CEP72: variants seen among roughly 807,000 people sequenced by gnomAD.
CEP72 encodes centrosomal protein of 72 kDa.
Under a neutral mutation model 65.7 loss-of-function variants are expected in CEP72, and 78 were observed. The ratio of observed to expected loss-of-function variants is 1.19; its 90% CI spans 0.99 to 1.43. The LOEUF (loss-of-function observed/expected upper bound fraction) is 1.43. CEP72 is among the 40% of genes most tolerant of loss of function. The pLI, the probability that CEP72 is intolerant of heterozygous loss-of-function variation, is 0.00. For missense variants in CEP72, 914 were observed against 832.9 expected, an observed-to-expected ratio of 1.10 and a Z score of -1.20; for synonymous variants, 358 against 351.7, an observed-to-expected ratio of 1.02 and a Z score of -0.20.
In CEP72 at chr5:635,719, T is replaced by C. The variant is rs549150444; in HGVS notation, c.904+135T>C. The C allele has an allele frequency of 1.0e-5, 7 of 687,602 alleles. No individual in the cohort carries two copies. The South Asian group carries it at 1.3e-4, about 13-fold the overall frequency. 42.6% of individuals were successfully genotyped at this position (687,602 alleles called of 1,614,324 possible). A position where few individuals can be genotyped will look rare whatever the true frequency, so the allele number is the denominator to read the frequency against. On this transcript the variant is annotated intron_variant, in intron 6 of 11. Coordinates refer to ENST00000264935, the MANE Select transcript of CEP72 (RefSeq NM_018140.4). ...AGTCCAAGAGCACGGTGCCGGCACC[T>C]GGTGCTGGTCCTCCCATGGCACAGG... is the stretch of plus-strand genomic sequence containing the variant.
chr5:639,866 C>T (rs1737885791), intron 8 of CEP72, among the ~76,000 whole-genome samples: 1 of 152,228 alleles, frequency 6.6e-6, no homozygotes, highest in Non-Finnish European at 1.5e-5. Flanking sequence ...GGGCACGGCT[C>T]TGAGCTGTCT....
At chr5:620,025 C>A in intron 2 of CEP72, 44 bp from the exon 3 acceptor site, 1 of 1,528,884 alleles carries the variant, frequency 6.5e-7, no homozygotes, top group Non-Finnish European at 9.0e-7. Context: ...CTGTGTATTT[C>A]TTGTTTAAAG....
intron 9 of CEP72, chr5:641,079 C>T: frequency 1.0e-6 from 1 of 985,456 alleles, no homozygotes; most frequent in Non-Finnish European, 1.2e-6. Flanking sequence ...GTGTATTGGG[C>T]CTCAGGCTCA....
chr5:636,301 T>G (rs1458372999), intron 6 of CEP72, among the ~76,000 whole-genome samples: 1 of 152,260 alleles, frequency 6.6e-6, no homozygotes, highest in Non-Finnish European at 1.5e-5. Flanking sequence ...ATTCATGGTT[T>G]AGATTCATGG....
the CEP72 span, among the ~76,000 whole-genome samples, chr5:673,959 G>C: frequency 6.6e-6 from 1 of 152,246 alleles, no homozygotes; most frequent in Non-Finnish European, 1.5e-5. Context: ...GTGCACATGC[G>C]GCCATGTGCA....
chr5:656,726 C>T (rs1015294418), downstream of CEP72, among the ~76,000 whole-genome samples: 11 of 152,088 alleles, frequency 7.2e-5, no homozygotes, highest in Non-Finnish European at 1.2e-4. Flanking sequence ...TTTCCCATTC[C>T]TGTTGTTCTG....
chr5:643,622 C>G, intron 9 of CEP72: 4 of 985,370 alleles, frequency 4.1e-6, no homozygotes, highest in Non-Finnish European at 4.8e-6. Context: ...TGCTCAGCAC[C>G]CCCGGCCCCA....
At chr5:654,929 T>G (rs1739332693), downstream of CEP72, among the ~76,000 whole-genome samples, 1 of 149,968 alleles carries the variant, frequency 6.7e-6, no homozygotes, top group Admixed American at 6.7e-5. Context: ...TTTTCATCCT[T>G]GTTCTCTCAT....
chr5:666,824 T>TAATA (rs906839045), intron 4 of CEP72: 17 of 152,346 alleles, frequency 1.1e-4, no homozygotes, highest in African/African-American at 4.1e-4. Flanking sequence ...GGTTTTTATA[T>TAATA]AATAATTCTA....
chr5:634,015 G>T, intron 5 of CEP72, 68 bp downstream of exon 5: 2 of 1,450,092 alleles, frequency 1.4e-6, no homozygotes, highest in Non-Finnish European at 1.9e-6. Context: ...TCGTTACTGG[G>T]CTTGGAGTCC....
chr5:635,246 C>A, intron 5 of CEP72, 126 bp from the exon 6 acceptor site: 1 of 698,136 alleles, frequency 1.4e-6, no homozygotes, highest in Non-Finnish European at 2.4e-6. Flanking sequence ...CAGTGTCACC[C>A]AGCACGTGAT....
intron 4 of CEP72, 99 bp from the exon 5 acceptor site, chr5:633,670 C>A: frequency 3.4e-6 from 4 of 1,172,226 alleles, no homozygotes; most frequent in Non-Finnish European, 5.0e-6. Context: ...CACGCTGCTT[C>A]TCTCAGAGAC....
At chr5:647,366 G>A (rs573476689) in intron 10 of CEP72, among the ~76,000 whole-genome samples, 1 of 152,396 alleles carries the variant, frequency 6.6e-6, no homozygotes, top group South Asian at 2.1e-4. Flanking sequence ...ATCACTGATG[G>A]TTGCAGAGTC....
Position 637,508 on chromosome 5 carries a change from A to C in CEP72, c.905-9A>C. 6.2e-7 allele frequency: 1 copy of C among 1,608,892 alleles called. No homozygotes were observed. The stretch of plus-strand genomic sequence containing the variant: ...GCCTGACGTGCGCCCCATCCTCTCT[A>C]TATCTCAGACTCCATGGATACCGAG... On this transcript the variant is annotated splice_polypyrimidine_tract_variant and intron_variant, in intron 6 of 11. Transcript: ENST00000264935.
intron 1 of CEP72, chr5:662,216 C>G (rs1049473296): frequency 6.6e-6 from 1 of 152,512 alleles, no homozygotes; most frequent in Non-Finnish European, 1.5e-5. Flanking sequence ...TGTGGTGAGT[C>G]GGTGCTGGCC....
At position 619,060 on chromosome 5, in the gene CEP72, G is replaced by A; in HGVS notation, c.153G>A (p.Met51Ile). The change falls in exon 2 of 12, where the codon ATG (methionine) becomes ATA (isoleucine). Residue 51 changes from methionine to isoleucine, a missense_variant. Transcript: ENST00000264935. ...EKITHLGHSL[M>I]SLTGLKSLDL... ...TCACCCACCTGGGACATTCTCTGAT[G>A]AGTTTAACAGGTCTGAAATCTTTGG... The A allele has an allele frequency of 6.2e-7, 1 of 1,613,670 alleles. No individual in the cohort carries two copies. Among genetic ancestry groups the A allele is most frequent in the Non-Finnish European group, 8.5e-7 (1 of 1,179,540 alleles).
At chr5:652,102 G>C (rs1739146994) in intron 11 of CEP72, among the ~76,000 whole-genome samples, 1 of 152,222 alleles carries the variant, frequency 6.6e-6, no homozygotes, top group Admixed American at 6.5e-5. Flanking sequence ...GCAGTGCCCA[G>C]TCGTGGGCAG....
chr5:653,253 C>G lies in CEP72; in HGVS notation c.*100C>G, dbSNP rs1739231281. Reference sequence around the variant, plus strand: ...TTGAGTGTACTGGCTGGCAAGAGTTCTCTCTTCTGTTGGTAATTATTTAGG... The same window carrying G: ...TTGAGTGTACTGGCTGGCAAGAGTTGTCTCTTCTGTTGGTAATTATTTAGG... On this transcript the variant is annotated 3_prime_UTR_variant, in exon 12 of 12. Coordinates refer to ENST00000264935, the MANE Select transcript of CEP72 (RefSeq NM_018140.4). The G allele has an allele frequency of 8.4e-7, 1 of 1,192,910 alleles. No homozygotes were observed. Among genetic ancestry groups the G allele is most frequent in the Non-Finnish European group, 1.1e-6 (1 of 891,190 alleles). The allele number at this position is 1,192,910 out of a possible 1,614,324, so 73.9% of individuals were successfully genotyped here.
chr5:662,916 G>A (rs1232281065), intron 1 of CEP72: 1 of 143,914 alleles, frequency 6.9e-6, no homozygotes, highest in Non-Finnish European at 1.5e-5. Context: ...GGGCGATTCT[G>A]GTGACCGCTC....
Sources: gnomAD v4.1 joint callset for allele counts (sites outside exome capture counted in the v4.1 genomes callset) on GRCh38, gnomAD v4.1.1 for gene constraint, MANE v1.5 for transcripts, NCBI Gene and HGNC (gene_info 2026-07-23, HGNC 2026-07-21) for gene names.